The following CRISPLD2 variants were observed in gnomAD, a reference collection of about 807,000 sequenced individuals.
CRISPLD2 encodes the protein cysteine-rich secretory protein LCCL domain-containing 2.
CRISPLD2 carries 47 observed loss-of-function variants against 71.1 expected under a neutral mutation model. The observed-to-expected ratio is 0.66, with a 90% CI of 0.52 to 0.84. The LOEUF is 0.84. Among genes scored for constraint, CRISPLD2 ranks in the 40% least tolerant of loss-of-function variants. CRISPLD2 has a pLI of 0.00. For missense variants in CRISPLD2, 830 were observed against 651.1 expected, an observed-to-expected ratio of 1.27 and a Z score of -2.99; for synonymous variants, 317 against 250.1, an observed-to-expected ratio of 1.27 and a Z score of -2.52.
Position 84,908,178 on chromosome 16 carries a change from G to C in CRISPLD2, c.*1536G>C, listed in dbSNP as rs1267185107. ...TTTCTAATAAATGCAGAATCTGAAG[G>C]TAAATAGGTTTAAAACAAAACAAAA... On this transcript the variant is annotated 3_prime_UTR_variant, in exon 15 of 15. Coordinates refer to ENST00000262424, the MANE Select transcript of CRISPLD2 (RefSeq NM_031476.4). 6.6e-6 allele frequency: 1 copy of C among 152,198 alleles called. No homozygotes were observed. The highest frequency in any genetic ancestry group is 1.5e-5 in the Non-Finnish European group (1 of 68,036). The allele number at this position is 152,198 out of a possible 1,614,324, so 9.4% of individuals were successfully genotyped here. A position where few individuals can be genotyped will look rare whatever the true frequency, so the allele number is the denominator to read the frequency against.
intron 11 of CRISPLD2, among the ~76,000 whole-genome samples, chr16:84,875,414 C>CTTTTT (rs34028519): frequency 3.0e-4 from 26 of 87,788 alleles, no homozygotes; most frequent in East Asian, 1.1e-3. Context: ...TATGCATGGA[C>CTTTTT]TTTTTTTTTT....
intron 1 of CRISPLD2, among the ~76,000 whole-genome samples, chr16:84,833,889 G>T (rs60605285): frequency 6.6e-6 from 1 of 152,146 alleles, no homozygotes. Context: ...GGAGGCAGAA[G>T]AGGGTGGAAG....
chr16:84,875,934 T>C (rs2071514853), intron 11 of CRISPLD2, among the ~76,000 whole-genome samples: 1 of 152,144 alleles, frequency 6.6e-6, no homozygotes, highest in Non-Finnish European at 1.5e-5. Context: ...TAGAAGTCCC[T>C]TGATGTACTA....
At chr16:84,832,248 AGCCGTAGG>A (rs1030749402) in intron 1 of CRISPLD2, among the ~76,000 whole-genome samples, 4 of 152,168 alleles carry the variant, frequency 2.6e-5, no homozygotes, top group African/African-American at 9.7e-5. Flanking sequence ...CCTTCCTCAC[AGCCGTAGG>A]GCCTGTCACT....
At chr16:84,856,504 C>CA (rs1917245502) in intron 6 of CRISPLD2, among the ~76,000 whole-genome samples, 2 of 152,154 alleles carry the variant, frequency 1.3e-5, no homozygotes, top group Admixed American at 1.3e-4. Context: ...TCTAGGCCAG[C>CA]AGAATGTAAT....
chr16:84,863,490 C>A (rs568548357), intron 6 of CRISPLD2, among the ~76,000 whole-genome samples: 14 of 152,316 alleles, frequency 9.2e-5, no homozygotes, highest in African/African-American at 3.1e-4. Context: ...GTATTCTCCC[C>A]TCTCACCCCC....
At position 84,909,070 on chromosome 16, in the gene CRISPLD2, A is replaced by T. The variant is rs1295678680; in HGVS notation, c.*2428A>T. The stretch of plus-strand genomic sequence containing the variant: ...TTCAGAAAATGGAAACAAGACTATA[A>T]ATGATAAGCCCTGTCCCTAGCACCA... On this transcript the variant is annotated 3_prime_UTR_variant, in exon 15 of 15. Coordinates refer to ENST00000262424, the MANE Select transcript of CRISPLD2 (RefSeq NM_031476.4). The T allele has an allele frequency of 6.6e-6, 1 of 152,312 alleles. No individual in the cohort carries two copies. The highest frequency in any genetic ancestry group is 2.4e-5 in the African/African-American group (1 of 41,414). The allele number at this position is 152,312 out of a possible 1,614,324, so 9.4% of individuals were successfully genotyped here. A position where few individuals can be genotyped will look rare whatever the true frequency, so the allele number is the denominator to read the frequency against.
chr16:84,841,267 G>A (rs774283968), intron 2 of CRISPLD2, among the ~76,000 whole-genome samples: 35 of 152,202 alleles, frequency 2.3e-4, no homozygotes, highest in Admixed American at 3.3e-4. Context: ...GCAAGCAAGC[G>A]TGCAGGGAAG....
At chr16:84,841,395 A>G (rs1916766529) in intron 2 of CRISPLD2, among the ~76,000 whole-genome samples, 2 of 152,156 alleles carry the variant, frequency 1.3e-5, no homozygotes, top group Non-Finnish European at 2.9e-5. Flanking sequence ...CAGCAGGGCC[A>G]TGGCTCATTT....
intron 1 of CRISPLD2, among the ~76,000 whole-genome samples, chr16:84,823,712 T>G (rs1916282618): frequency 6.6e-6 from 1 of 152,108 alleles, no homozygotes; most frequent in Non-Finnish European, 1.5e-5. Flanking sequence ...CCGAGGGAGA[T>G]TTATCTTTGA....
At chr16:84,877,329 C>T (rs2071527990) in intron 11 of CRISPLD2, 109 bp from the exon 12 acceptor site, 3 of 939,770 alleles carry the variant, frequency 3.2e-6, no homozygotes, top group Admixed American at 4.2e-5. Context: ...TATTCAAGGG[C>T]CCAGGGAACC....
chr16:84,836,832 T>C (rs1329048681), intron 1 of CRISPLD2, among the ~76,000 whole-genome samples: 1 of 152,058 alleles, frequency 6.6e-6, no homozygotes, highest in Admixed American at 6.6e-5. Flanking sequence ...GGAGGACTCA[T>C]GTGAAGAACT....
intron 13 of CRISPLD2, among the ~76,000 whole-genome samples, chr16:84,884,431 A>T (rs1165087231): frequency 6.6e-6 from 1 of 152,206 alleles, no homozygotes; most frequent in Non-Finnish European, 1.5e-5. Flanking sequence ...CCTGCTTTAT[A>T]TGGAGAAAGG....
chr16:84,863,375 A>G (rs762389353), intron 6 of CRISPLD2, among the ~76,000 whole-genome samples: 2 of 152,208 alleles, frequency 1.3e-5, no homozygotes, highest in East Asian at 1.9e-4. Flanking sequence ...TCTCCTCTGA[A>G]GCAGCTTATC....
chr16:84,860,252 T>C (rs1363805859), intron 6 of CRISPLD2, among the ~76,000 whole-genome samples: 2 of 152,176 alleles, frequency 1.3e-5, no homozygotes, highest in East Asian at 3.8e-4. Flanking sequence ...GAATCCCTAT[T>C]TAGTGGGCCC....
At chr16:84,863,971 A>G (rs1053415121) in intron 6 of CRISPLD2, among the ~76,000 whole-genome samples, 1 of 149,256 alleles carries the variant, frequency 6.7e-6, no homozygotes, top group African/African-American at 2.5e-5. Context: ...AAAAAAAAAA[A>G]AAAAGAAAGA....
chr16:84,864,244 G>A (rs1917474455), intron 6 of CRISPLD2, among the ~76,000 whole-genome samples: 1 of 152,158 alleles, frequency 6.6e-6, no homozygotes, highest in South Asian at 2.1e-4. Context: ...TCTTCATTAG[G>A]AGGTACTCGG....
chr16:84,854,998 C>T (rs1472686483), intron 6 of CRISPLD2, among the ~76,000 whole-genome samples, 169 bp downstream of exon 6: 2 of 152,182 alleles, frequency 1.3e-5, no homozygotes, highest in Non-Finnish European at 2.9e-5. Flanking sequence ...AGCCTCATCT[C>T]CAGGGTCTAG....
rs1917615565 is a variant in CRISPLD2 at position 84,868,884 on chromosome 16, A to G, written c.887A>G (p.Asp296Gly). ...GTCAGATGTGACACCAAGATGAAGGACAGGTGCAAAGGGTCCACGTGTAAC... is the reference window on the plus strand; with the variant it reads ...GTCAGATGTGACACCAAGATGAAGGGCAGGTGCAAAGGGTCCACGTGTAAC... Reference protein sequence around the residue: ...QVVRCDTKMKDRCKGSTCNRY... With the variant: ...QVVRCDTKMKGRCKGSTCNRY... Residue 296 changes from aspartate to glycine, a missense_variant, in exon 8 of 15, where the codon GAC becomes GGC. Asp to Gly is a moderately conservative substitution (Grantham distance 94). Coordinates refer to ENST00000262424, the MANE Select transcript of CRISPLD2 (RefSeq NM_031476.4). 1 of 1,609,438 alleles carries G rather than the reference A, an allele frequency of 6.2e-7. No homozygotes were observed. Among genetic ancestry groups the G allele is most frequent in the Non-Finnish European group, 8.5e-7 (1 of 1,178,124 alleles).
Sources: allele counts gnomAD v4.1 joint callset (sites outside exome capture counted in the v4.1 genomes callset), GRCh38; gene constraint gnomAD v4.1.1; transcripts MANE v1.5; gene names NCBI Gene and HGNC (gene_info 2026-07-23, HGNC 2026-07-21).